The following DCC variants were observed in gnomAD, a reference collection of about 807,000 sequenced individuals.
DCC encodes netrin receptor DCC.
In DCC, 58 loss-of-function variants were observed where a neutral mutation model predicts 172.5. The ratio of observed to expected loss-of-function variants is 0.34; its 90% CI spans 0.27 to 0.42. The LOEUF is 0.42. Among genes scored for constraint, DCC ranks in the 10% least tolerant of loss-of-function variants. The pLI is 1.00. For synonymous variants in DCC, 709 were observed against 644.5 expected (o/e 1.10, Z -1.52); for missense variants, 1,740 against 1,791.0 (o/e 0.97, Z 0.51).
chr18:52,421,482 C>A (rs556006746), intron 1 of DCC, among the ~76,000 whole-genome samples: 10 of 152,282 alleles, frequency 6.6e-5, no homozygotes, highest in African/African-American at 2.4e-4. Flanking sequence ...GGCTGAAAGT[C>A]CCTTTTGTTT....
chr18:52,927,121 A>ATATATGTG, intron 5 of DCC, among the ~76,000 whole-genome samples: 1 of 92,956 alleles, frequency 1.1e-5, no homozygotes, highest in East Asian at 2.7e-4. Context: ...ATATACGTGT[A>ATATATGTG]TATACACGTA....
At chr18:52,847,240 GAA>G (rs1295870647) in intron 2 of DCC, among the ~76,000 whole-genome samples, 1 of 152,002 alleles carries the variant, frequency 6.6e-6, no homozygotes, top group Non-Finnish European at 1.5e-5. Flanking sequence ...ACTTATATTT[GAA>G]TTTACATACC....
intron 5 of DCC, among the ~76,000 whole-genome samples, chr18:53,001,310 A>G (rs760274006): frequency 9.2e-5 from 14 of 152,106 alleles, no homozygotes; most frequent in Non-Finnish European, 1.2e-4. Flanking sequence ...TTATGTCTAG[A>G]TGTGAACTTT....
At chr18:53,018,993 A>T (rs1212579122) in intron 5 of DCC, among the ~76,000 whole-genome samples, 1 of 152,200 alleles carries the variant, frequency 6.6e-6, no homozygotes, top group African/African-American at 2.4e-5. Flanking sequence ...GAGAGTTCCA[A>T]GTTGATGTCA....
At chr18:52,434,734 T>C (rs572295353) in intron 1 of DCC, among the ~76,000 whole-genome samples, 1 of 152,038 alleles carries the variant, frequency 6.6e-6, no homozygotes, top group South Asian at 2.1e-4. Context: ...TGTATCACTA[T>C]AAATTTCTCT....
chr18:53,197,887 T>C (rs964012047), intron 9 of DCC, among the ~76,000 whole-genome samples: 7 of 152,138 alleles, frequency 4.6e-5, no homozygotes, highest in African/African-American at 1.7e-4. Context: ...TATTAATTCA[T>C]ATATGCTATG....
intron 15 of DCC, among the ~76,000 whole-genome samples, chr18:53,381,641 G>C (rs1229509452): frequency 7.6e-6 from 1 of 131,296 alleles, no homozygotes; most frequent in Admixed American, 9.1e-5. Context: ...CTTGACTATG[G>C]AAGACCAGAC....
At chr18:52,884,306 A>G (rs551353782) in intron 2 of DCC, among the ~76,000 whole-genome samples, 2 of 151,742 alleles carry the variant, frequency 1.3e-5, no homozygotes, top group South Asian at 4.2e-4. Context: ...CTTTTTCTCT[A>G]CTTCCTCTTG....
chr18:52,960,879 T>C (rs2145567663), intron 5 of DCC, among the ~76,000 whole-genome samples: 1 of 152,258 alleles, frequency 6.6e-6, no homozygotes, highest in East Asian at 1.9e-4. Context: ...TGCCATATAG[T>C]GATATTATTT....
At chr18:52,550,904 T>C (rs1029850740) in intron 1 of DCC, among the ~76,000 whole-genome samples, 7 of 151,930 alleles carry the variant, frequency 4.6e-5, no homozygotes, top group Non-Finnish European at 8.8e-5. Flanking sequence ...TTTTTAAATG[T>C]TATTTTTTAT....
chr18:53,204,587 G>A (rs1199803041), intron 9 of DCC, among the ~76,000 whole-genome samples: 1 of 151,788 alleles, frequency 6.6e-6, no homozygotes, highest in Non-Finnish European at 1.5e-5. Flanking sequence ...AACGATTGTG[G>A]ATCTGTGCTG....
chr18:52,663,408 G>C (rs2035400722), intron 1 of DCC, among the ~76,000 whole-genome samples: 1 of 152,148 alleles, frequency 6.6e-6, no homozygotes, highest in Admixed American at 6.5e-5. Flanking sequence ...AGTTTGCTGA[G>C]TTTCGAGTGG....
At chr18:52,491,317 C>A (rs1002057330) in intron 1 of DCC, among the ~76,000 whole-genome samples, 7 of 152,090 alleles carry the variant, frequency 4.6e-5, no homozygotes, top group Middle Eastern at 3.4e-3. Flanking sequence ...ATACAGGAAT[C>A]AAACATGCAA....
chr18:52,959,786 TC>T (rs2040811924), intron 5 of DCC, among the ~76,000 whole-genome samples: 1 of 152,240 alleles, frequency 6.6e-6, no homozygotes, highest in East Asian at 1.9e-4. Flanking sequence ...TTGCTATGCA[TC>T]TGGTTTACAA....
intron 21 of DCC, among the ~76,000 whole-genome samples, chr18:53,434,758 G>A (rs900481956): frequency 6.6e-6 from 1 of 152,134 alleles, no homozygotes; most frequent in Non-Finnish European, 1.5e-5. Context: ...TTGTCAGTTG[G>A]GTGACAGTAT....
chr18:53,223,295 T>C (rs1482883094), intron 12 of DCC, among the ~76,000 whole-genome samples: 1 of 152,178 alleles, frequency 6.6e-6, no homozygotes, highest in Non-Finnish European at 1.5e-5. Flanking sequence ...TGCCATTGAG[T>C]ATACTTGCAC....
At chr18:53,490,087 A>G (rs1167182433) in intron 26 of DCC, among the ~76,000 whole-genome samples, 5 of 152,164 alleles carry the variant, frequency 3.3e-5, no homozygotes, top group Admixed American at 6.5e-5. Flanking sequence ...AACTAGTGGG[A>G]AGGCTGGTCA....
intron 1 of DCC, among the ~76,000 whole-genome samples, chr18:52,669,843 GA>G (rs1009814644): frequency 1.3e-5 from 2 of 150,642 alleles, no homozygotes; most frequent in African/African-American, 4.9e-5. Context: ...AGAAGCGTTT[GA>G]AAAAACAAAA....
At chr18:53,078,731 G>A (rs1320160050) in intron 7 of DCC, among the ~76,000 whole-genome samples, 2 of 152,046 alleles carry the variant, frequency 1.3e-5, no homozygotes, top group African/African-American at 4.8e-5. Flanking sequence ...ATTTTGTGTT[G>A]ACAAATATAT....
Sources: gnomAD v4.1 joint callset for allele counts (sites outside exome capture counted in the v4.1 genomes callset) on GRCh38, gnomAD v4.1.1 for gene constraint, MANE v1.5 for transcripts, NCBI Gene and HGNC (gene_info 2026-07-23, HGNC 2026-07-21) for gene names.